PBX3: variants seen among roughly 807,000 people sequenced by gnomAD.
The protein encoded by PBX3 is PBX homeobox 3.
Under a neutral mutation model 48.5 loss-of-function variants are expected in PBX3, and 14 were observed. The ratio of observed to expected loss-of-function variants is 0.29; its 90% CI spans 0.19 to 0.45. PBX3 has a LOEUF of 0.45. Ranked by LOEUF, PBX3 falls within the 20% of genes least tolerant of loss-of-function variation. The pLI is 1.00. For missense variants in PBX3, 386 were observed against 546.7 expected (o/e 0.71, Z 2.93); for synonymous variants, 210 against 200.3 (o/e 1.05, Z -0.41).
At chr9:125,802,305 C>T (rs1354820121) in intron 2 of PBX3, among the ~76,000 whole-genome samples, 1 of 127,398 alleles carries the variant, frequency 7.8e-6, no homozygotes, top group Admixed American at 8.2e-5. Flanking sequence ...TTGTTCCCAT[C>T]TTTATGTTCA....
In PBX3 at chr9:125,868,448, T is replaced by C. The variant is rs1485598942; in HGVS notation, c.275-47238T>C. On this transcript the variant is annotated intron_variant, in intron 2 of 8. Coordinates refer to ENST00000373489, the MANE Select transcript of PBX3 (RefSeq NM_006195.6). ...ACATGCTGGCTGTACAGTAAAGAAC[T>C]TCATTTCCAAAGCATGGCTGAGCCA... is the stretch of plus-strand genomic sequence containing the variant. Among the ~76,000 whole-genome samples the C allele has an allele frequency of 3.3e-5, 5 of 152,300 alleles. No individual in the cohort carries two copies. In the East Asian group the frequency reaches 9.6e-4, roughly 29 times the overall value.
At chr9:125,964,444 C>T (rs1268048558) in intron 8 of PBX3, among the ~76,000 whole-genome samples, 45 of 151,778 alleles carry the variant, frequency 3.0e-4, no homozygotes, top group Admixed American at 3.0e-3. Context: ...TGAGAGTCCA[C>T]CGAACACACA....
intron 2 of PBX3, among the ~76,000 whole-genome samples, chr9:125,853,375 T>C (rs1839633986): frequency 6.6e-6 from 1 of 152,184 alleles, no homozygotes; most frequent in Non-Finnish European, 1.5e-5. Flanking sequence ...AACACATTTT[T>C]TTACTGGACT....
intron 2 of PBX3, among the ~76,000 whole-genome samples, chr9:125,796,438 A>G (rs564266654): frequency 2.0e-5 from 3 of 152,270 alleles, no homozygotes; most frequent in Admixed American, 1.3e-4. Flanking sequence ...TGGGACAGAT[A>G]TGACAAGCCT....
intron 2 of PBX3, among the ~76,000 whole-genome samples, chr9:125,805,988 A>T (rs565486575): frequency 6.6e-6 from 1 of 152,340 alleles, no homozygotes; most frequent in East Asian, 1.9e-4. Context: ...TTATTTCTAT[A>T]TATCTATGTA....
intron 5 of PBX3, among the ~76,000 whole-genome samples, chr9:125,938,952 A>AG (rs1261563595): frequency 6.6e-6 from 1 of 151,606 alleles, no homozygotes; most frequent in Non-Finnish European, 1.5e-5. Flanking sequence ...TCAGATGTTC[A>AG]GAAAAAAAAA....
intron 2 of PBX3, among the ~76,000 whole-genome samples, chr9:125,755,330 A>T (rs1215699824): frequency 3.3e-5 from 5 of 152,184 alleles, no homozygotes; most frequent in Admixed American, 6.5e-5. Flanking sequence ...CTAAATTAAG[A>T]TTCTAAACAG....
At chr9:125,868,353 G>A (rs1840039296) in intron 2 of PBX3, among the ~76,000 whole-genome samples, 1 of 152,192 alleles carries the variant, frequency 6.6e-6, no homozygotes, top group African/African-American at 2.4e-5. Flanking sequence ...AAAATAGATT[G>A]TAGTTCAGTT....
intron 2 of PBX3, among the ~76,000 whole-genome samples, chr9:125,796,849 A>G (rs973545762): frequency 6.6e-6 from 1 of 152,108 alleles, no homozygotes; most frequent in African/African-American, 2.4e-5. Flanking sequence ...TATTAACTGT[A>G]GTCCTTATGG....
chr9:125,817,521 T>C (rs1375973890), intron 2 of PBX3, among the ~76,000 whole-genome samples: 2 of 152,232 alleles, frequency 1.3e-5, no homozygotes, highest in African/African-American at 2.4e-5. Context: ...CATTGAGTCT[T>C]TCTTTACATT....
At chr9:125,804,429 G>C (rs1422161322) in intron 2 of PBX3, among the ~76,000 whole-genome samples, 4 of 152,114 alleles carry the variant, frequency 2.6e-5, no homozygotes, top group African/African-American at 7.2e-5. Flanking sequence ...AAGCATTCTT[G>C]TCTGTTTATC....
intron 2 of PBX3, among the ~76,000 whole-genome samples, chr9:125,887,176 T>C (rs1377521211): frequency 3.3e-5 from 5 of 152,172 alleles, no homozygotes; most frequent in Non-Finnish European, 7.4e-5. Context: ...AATTGTCAAC[T>C]AATTCTTTAT....
intron 2 of PBX3, among the ~76,000 whole-genome samples, chr9:125,760,087 C>G (rs4838292): frequency 0.28 from 42,749 of 152,124 alleles, 7,060 homozygotes; most frequent in Middle Eastern, 0.41. Flanking sequence ...CCATTCCAAC[C>G]TATCTGAGCA....
intron 2 of PBX3, among the ~76,000 whole-genome samples, chr9:125,907,386 A>T (rs1462060510): frequency 6.6e-6 from 1 of 152,054 alleles, no homozygotes; most frequent in Non-Finnish European, 1.5e-5. Context: ...ATACTTCAAG[A>T]TTATAATGTT....
At chr9:125,757,324 C>G (rs1183727012) in intron 2 of PBX3, among the ~76,000 whole-genome samples, 1 of 151,274 alleles carries the variant, frequency 6.6e-6, no homozygotes, top group Non-Finnish European at 1.5e-5. Context: ...AATTCATAGT[C>G]AGATATATCA....
At chr9:125,748,002 C>T (rs1052237646) in intron 1 of PBX3, among the ~76,000 whole-genome samples, 4 of 151,512 alleles carry the variant, frequency 2.6e-5, no homozygotes, top group African/African-American at 7.3e-5. Flanking sequence ...CTTTCTCCTC[C>T]GGCGGGGAGT....
chr9:125,764,073 T>C (rs1836741700), intron 2 of PBX3, among the ~76,000 whole-genome samples: 1 of 152,224 alleles, frequency 6.6e-6, no homozygotes, highest in African/African-American at 2.4e-5. Context: ...TAATGCTGCT[T>C]ACTATTTTAC....
chr9:125,915,987 A>G (rs1841323855), intron 3 of PBX3, 60 bp downstream of exon 3: 1 of 1,580,974 alleles, frequency 6.3e-7, no homozygotes, highest in South Asian at 1.1e-5. Flanking sequence ...CTATTAGACC[A>G]TGCTAACCAA....
At chr9:125,859,245 C>T (rs553927273) in intron 2 of PBX3, among the ~76,000 whole-genome samples, 21 of 152,286 alleles carry the variant, frequency 1.4e-4, no homozygotes, top group South Asian at 2.1e-4. Context: ...TTGCTAAAGT[C>T]GGTCTTCCCT....
Sources: allele counts gnomAD v4.1 joint callset (sites outside exome capture counted in the v4.1 genomes callset), GRCh38; gene constraint gnomAD v4.1.1; transcripts MANE v1.5; gene names NCBI Gene and HGNC (gene_info 2026-07-23, HGNC 2026-07-21).